The following ACAA2 variants were observed in gnomAD, a reference collection of about 807,000 sequenced individuals.
ACAA2 encodes the protein acetyl-CoA acyltransferase 2, also known as 3-ketoacyl-CoA thiolase, mitochondrial.
In ACAA2, 35 loss-of-function variants were observed where a neutral mutation model predicts 44.8. That is an observed-to-expected ratio of 0.78 (90% CI 0.60 to 1.04). The LOEUF (loss-of-function observed/expected upper bound fraction) is 1.04. Among genes scored for constraint, ACAA2 ranks in the 50% least tolerant of loss-of-function variants. The pLI, the probability that ACAA2 is intolerant of heterozygous loss-of-function variation, is 0.00. For missense variants in ACAA2, 468 were observed against 482.6 expected, an observed-to-expected ratio of 0.97 and a Z score of 0.28; for synonymous variants, 142 against 166.5, an observed-to-expected ratio of 0.85 and a Z score of 1.13.
intron 1 of ACAA2, among the ~76,000 whole-genome samples, chr18:49,807,401 A>T (rs936161996): frequency 6.6e-6 from 1 of 152,176 alleles, no homozygotes; most frequent in African/African-American, 2.4e-5. Flanking sequence ...AAGAGATCAT[A>T]GACTTAAATA....
At chr18:49,799,730 G>A (rs912765912) in intron 2 of ACAA2, among the ~76,000 whole-genome samples, 16 of 151,586 alleles carry the variant, frequency 1.1e-4, no homozygotes, top group Non-Finnish European at 1.8e-4. Context: ...GGAAAGTGAG[G>A]AGCGTCTCTG....
chr18:49,802,560 CAAAA>C (rs74176744), intron 2 of ACAA2, 123 bp downstream of exon 2: 236 of 593,728 alleles, frequency 4.0e-4, no homozygotes, highest in South Asian at 1.2e-3. Flanking sequence ...GACTCCATCT[CAAAA>C]AAAAAAAAAA....
chr18:49,796,294 G>C (rs1480924478), intron 3 of ACAA2, among the ~76,000 whole-genome samples: 2 of 152,080 alleles, frequency 1.3e-5, no homozygotes, highest in Non-Finnish European at 2.9e-5. Context: ...AGATTTACAA[G>C]AACTAGTTCA....
At chr18:49,807,834 A>G (rs2023625788) in intron 1 of ACAA2, among the ~76,000 whole-genome samples, 1 of 152,192 alleles carries the variant, frequency 6.6e-6, no homozygotes, top group Admixed American at 6.5e-5. Context: ...CTCTAAAAAC[A>G]AATGAATAAA....
At chr18:49,796,820 G>A (rs1047402779) in intron 3 of ACAA2, among the ~76,000 whole-genome samples, 2 of 152,042 alleles carry the variant, frequency 1.3e-5, no homozygotes, top group East Asian at 1.9e-4. Context: ...TTCCTTGCCT[G>A]TAAAATGGGA....
At position 49,797,584 on chromosome 18, in the gene ACAA2, T is replaced by A; in HGVS notation, c.194A>T (p.Asp65Val). ...AACATGCCTTGCCAAATATATAGCA[T>A]CTGAAGAACTCTAGAAGAGAGAAGG... Reference protein sequence around the residue: ...IMGNVLQSSSDAIYLARHVGL... With the variant: ...IMGNVLQSSSVAIYLARHVGL... Residue 65 changes from aspartate to valine, a missense_variant, in exon 3 of 10, where the codon GAT becomes GTT. Transcript: ENST00000285093. 6.2e-7 allele frequency: 1 copy of A among 1,606,640 alleles called. No homozygotes were observed.
At chr18:49,796,535 A>G (rs944249338) in intron 3 of ACAA2, among the ~76,000 whole-genome samples, 7 of 152,238 alleles carry the variant, frequency 4.6e-5, no homozygotes, top group Non-Finnish European at 7.3e-5. Flanking sequence ...TAATAAAATG[A>G]AGACTTTTAC....
intron 2 of ACAA2, among the ~76,000 whole-genome samples, chr18:49,798,091 G>A (rs1219007843): frequency 6.6e-6 from 1 of 152,178 alleles, no homozygotes. Context: ...AACCTTGGTT[G>A]CAGGCTGGAA....
intron 7 of ACAA2, among the ~76,000 whole-genome samples, chr18:49,788,536 T>G (rs1228718012): frequency 6.6e-6 from 1 of 150,432 alleles, no homozygotes; most frequent in Non-Finnish European, 1.5e-5. Context: ...ACTGATTTAC[T>G]ACAGGATCTG....
intron 1 of ACAA2, among the ~76,000 whole-genome samples, chr18:49,810,173 T>C (rs1163140789): frequency 6.6e-6 from 1 of 152,118 alleles, no homozygotes; most frequent in East Asian, 1.9e-4. Context: ...AAGAAGAAAT[T>C]TCCAAATTTG....
chr18:49,795,542 G>GAGAT (rs1228401232), intron 4 of ACAA2, among the ~76,000 whole-genome samples: 1 of 152,206 alleles, frequency 6.6e-6, no homozygotes, highest in East Asian at 1.9e-4. Flanking sequence ...GAGGTCTGCT[G>GAGAT]AGATAGATAG....
At position 49,802,579 on chromosome 18, in the gene ACAA2, T is replaced by TC. The variant is rs1961038202; in HGVS notation, c.183+107dup. 5.2e-6 allele frequency: 4 copies of TC among 769,500 alleles called. No homozygotes were observed. The Admixed American group carries it at 1.1e-4, about 21-fold the overall frequency. The allele number at this position is 769,500 out of a possible 1,614,324, so 47.7% of individuals were successfully genotyped here. A position where few individuals can be genotyped will look rare whatever the true frequency, so the allele number is the denominator to read the frequency against. On this transcript the variant is annotated intron_variant, in intron 2 of 9. Coordinates refer to ENST00000285093, the MANE Select transcript of ACAA2 (RefSeq NM_006111.3). The stretch of plus-strand genomic sequence containing the variant: ...CCATCTCAAAAAAAAAAAAAAAAAG[T>TC]CTATAACTATTATTAACTTGTTTAC...
At chr18:49,803,632 C>G (rs527523661) in intron 1 of ACAA2, among the ~76,000 whole-genome samples, 1 of 152,066 alleles carries the variant, frequency 6.6e-6, no homozygotes, top group South Asian at 2.1e-4. Flanking sequence ...CTTTCTTGTT[C>G]TCTGATGCTT....
rs142937067 is a variant in ACAA2, at chr18:49,786,577, G to A, written c.954+714C>T. ...AAATCACACCTGTGCCTACCCCTTCGCTATCAAGTTAAATAGATTTCCTTT... is the reference window on the plus strand; with the variant it reads ...AAATCACACCTGTGCCTACCCCTTCACTATCAAGTTAAATAGATTTCCTTT... On this transcript the variant is annotated intron_variant, in intron 8 of 9. Coordinates refer to ENST00000285093, the MANE Select transcript of ACAA2 (RefSeq NM_006111.3). 9 of 152,208 alleles carry A rather than the reference G, an allele frequency of 5.9e-5. No individual in the cohort carries two copies. The East Asian group carries it at 1.7e-3, about 29-fold the overall frequency. The allele number at this position is 152,208 out of a possible 1,614,324, so 9.4% of individuals were successfully genotyped here.
At chr18:49,812,714 CA>C (rs1336077474) in intron 1 of ACAA2, 2 of 152,188 alleles carry the variant, frequency 1.3e-5, no homozygotes, top group Non-Finnish European at 2.9e-5. Context: ...GAATTTGGAA[CA>C]AAACCCCACC....
At chr18:49,805,501 C>T (rs2023600848) in intron 1 of ACAA2, among the ~76,000 whole-genome samples, 1 of 152,138 alleles carries the variant, frequency 6.6e-6, no homozygotes, top group Non-Finnish European at 1.5e-5. Context: ...ATGATGCCTT[C>T]CTGAATCTTT....
At chr18:49,806,428 T>G (rs1171088651) in intron 1 of ACAA2, among the ~76,000 whole-genome samples, 1 of 152,212 alleles carries the variant, frequency 6.6e-6, no homozygotes, top group African/African-American at 2.4e-5. Context: ...TTTAAGCTGC[T>G]GCCCACTACA....
At chr18:49,791,775 G>GAATACAACTTTACTAAAGAACA (rs1173892206) in intron 6 of ACAA2, among the ~76,000 whole-genome samples, 176 bp from the exon 7 acceptor site, 1 of 151,824 alleles carries the variant, frequency 6.6e-6, no homozygotes, top group African/African-American at 2.4e-5. Context: ...TTAAGGCACA[G>GAATACAACTTTACTAAAGAACA]AATACAACTT....
chr18:49,804,814 A>G (rs1440997279), intron 1 of ACAA2, among the ~76,000 whole-genome samples: 1 of 152,234 alleles, frequency 6.6e-6, no homozygotes, highest in Non-Finnish European at 1.5e-5. Flanking sequence ...GCCAAAAAAA[A>G]ACTTGTGACT....
Sources: allele counts gnomAD v4.1 joint callset (sites outside exome capture counted in the v4.1 genomes callset), GRCh38; gene constraint gnomAD v4.1.1; transcripts MANE v1.5; gene names NCBI Gene and HGNC (gene_info 2026-07-23, HGNC 2026-07-21).